ELAPOR2: variants seen among roughly 807,000 people sequenced by gnomAD.
The protein encoded by ELAPOR2 is endosome-lysosome associated apoptosis and autophagy regulator family member 2.
In ELAPOR2, 89 loss-of-function variants were observed where a neutral mutation model predicts 120.7. The observed-to-expected ratio is 0.74, with a 90% CI of 0.62 to 0.88. The LOEUF is 0.88. Ranked by LOEUF, ELAPOR2 falls within the 40% of genes least tolerant of loss-of-function variation. The probability of loss-of-function intolerance (pLI) is 0.00; values close to 1 mark genes in which losing one functional copy is unlikely to be tolerated. For synonymous variants in ELAPOR2, 444 were observed against 444.9 expected (o/e 1.00, Z 0.03); for missense variants, 1,134 against 1,251.6 (o/e 0.91, Z 1.42).
chr7:87,001,703 C>A (rs186960503), intron 1 of ELAPOR2, among the ~76,000 whole-genome samples: 1 of 152,134 alleles, frequency 6.6e-6, no homozygotes, highest in African/African-American at 2.4e-5. Context: ...CTCTTCCCCT[C>A]CACTATGAGG....
At chr7:87,017,663 G>A (rs1418687797) in intron 1 of ELAPOR2, among the ~76,000 whole-genome samples, 1 of 152,122 alleles carries the variant, frequency 6.6e-6, no homozygotes, top group Non-Finnish European at 1.5e-5. Context: ...GCTCGTGCCT[G>A]TAATCCCAAC....
rs886994346 is a variant in ELAPOR2, at chr7:86,996,624, C to T, written c.190-31600G>A. Among the ~76,000 whole-genome samples the T allele has an allele frequency of 1.2e-4, 18 of 152,222 alleles. No individual in the cohort carries two copies. In the South Asian group the frequency reaches 3.5e-3, roughly 30 times the overall value. ...AGCAGGGAGATAATTTGAAATAACT[C>T]TCATTTCTTAAAAGACCACACTGGC... On this transcript the variant is annotated intron_variant, in intron 1 of 21. Transcript: ENST00000450689.
chr7:87,008,396 T>C (rs944827550), intron 1 of ELAPOR2, among the ~76,000 whole-genome samples: 4 of 152,108 alleles, frequency 2.6e-5, no homozygotes, highest in Non-Finnish European at 5.9e-5. Flanking sequence ...GCATCCTGGA[T>C]TGGGGAGAAA....
Position 86,998,851 on chromosome 7 carries a change from G to GGT in ELAPOR2, c.190-33828_190-33827insAC, listed in dbSNP as rs533633601. Among the ~76,000 whole-genome samples, 260 of 146,494 alleles carry GGT rather than the reference G, an allele frequency of 1.8e-3. 3 individuals carry two copies. The highest frequency in any genetic ancestry group is 6.2e-3 in the African/African-American group (250 of 40,388). On this transcript the variant is annotated intron_variant, in intron 1 of 21. Transcript: ENST00000450689. ...TTTAGAATTCCATAAATAGTTCCTT[G>GGT]TTTTTTTTTTTCAAAGAACCTGAGA... is the stretch of plus-strand genomic sequence containing the variant.
intron 2 of ELAPOR2, among the ~76,000 whole-genome samples, chr7:86,952,598 G>A (rs1417359507): frequency 6.6e-6 from 1 of 152,068 alleles, no homozygotes; most frequent in African/African-American, 2.4e-5. Flanking sequence ...ATTTCTTGTG[G>A]ATTTTTAATG....
Position 87,052,811 on chromosome 7 carries a change from G to GTTTTGT in ELAPOR2, c.189+6513_189+6514insACAAAA, listed in dbSNP as rs869225532. Among the ~76,000 whole-genome samples the GTTTTGT allele has an allele frequency of 6.6e-5, 10 of 151,612 alleles. 1 individual carries two copies. In the South Asian group the frequency reaches 8.3e-4, roughly 13 times the overall value. ...GTTTTGTTTTGTTTTGTTTTGTTTT[G>GTTTTGT]TTTGAGACAGGGTCTTGCTCTGTCA... On this transcript the variant is annotated intron_variant, in intron 1 of 21. Transcript: ENST00000450689.
chr7:86,896,926 A>G (rs1432280233), intron 19 of ELAPOR2, among the ~76,000 whole-genome samples: 1 of 152,130 alleles, frequency 6.6e-6, no homozygotes, highest in Non-Finnish European at 1.5e-5. Flanking sequence ...TATGTACAAA[A>G]AGATTGTATT....
chr7:86,913,352 T>C (rs1440778937), intron 13 of ELAPOR2, 148 bp from the exon 14 acceptor site: 5 of 750,496 alleles, frequency 6.7e-6, no homozygotes, highest in Non-Finnish European at 1.0e-5. Context: ...ATCACTGCTA[T>C]TTGGTTCTTC....
chr7:86,896,825 T>C (rs886775551), intron 19 of ELAPOR2, among the ~76,000 whole-genome samples: 1 of 152,158 alleles, frequency 6.6e-6, no homozygotes, highest in Non-Finnish European at 1.5e-5. Context: ...GTATCAAGCC[T>C]TAAAAATATC....
In ELAPOR2 at chr7:86,878,848, C is replaced by T. The variant is rs924202643; in HGVS notation, c.*1623G>A. 3 of 152,160 alleles carry T rather than the reference C, an allele frequency of 2.0e-5. No homozygotes were observed. The highest frequency in any genetic ancestry group is 7.2e-5 in the African/African-American group (3 of 41,446). The allele number at this position is 152,160 out of a possible 1,614,324, so 9.4% of individuals were successfully genotyped here. A position where few individuals can be genotyped will look rare whatever the true frequency, so the allele number is the denominator to read the frequency against. ...TGAATCCCAGAGCAAACAATGACAA[C>T]CTCACCTATACTCATATGTGCAACA... On this transcript the variant is annotated 3_prime_UTR_variant, in exon 22 of 22. Coordinates refer to ENST00000450689, the MANE Select transcript of ELAPOR2 (RefSeq NM_001142749.3).
intron 18 of ELAPOR2, among the ~76,000 whole-genome samples, chr7:86,900,201 T>TA (rs1788653708): frequency 6.6e-6 from 1 of 151,766 alleles, no homozygotes; most frequent in African/African-American, 2.4e-5. Flanking sequence ...GAAAGTCTGT[T>TA]AAAATCTGAG....
In ELAPOR2 at chr7:87,055,630, A is replaced by G. The variant is rs1056529474; in HGVS notation, c.189+3695T>C. Among the ~76,000 whole-genome samples, 3 of 152,026 alleles carry G rather than the reference A, an allele frequency of 2.0e-5. No homozygotes were observed. In the South Asian group the frequency reaches 6.2e-4, roughly 32 times the overall value. On this transcript the variant is annotated intron_variant, in intron 1 of 21. Coordinates refer to ENST00000450689, the MANE Select transcript of ELAPOR2 (RefSeq NM_001142749.3). Reference sequence around the variant, plus strand: ...CTGCTTGGCAAATTCCTACTTATCAATTAAGTCTCATTCACTTCCTCCATA... The same window carrying G: ...CTGCTTGGCAAATTCCTACTTATCAGTTAAGTCTCATTCACTTCCTCCATA...
In ELAPOR2 at chr7:86,965,024, T is replaced by C; in HGVS notation, c.190A>G (p.Lys64Glu). 6.4e-7 allele frequency: 1 copy of C among 1,551,488 alleles called. No homozygotes were observed. The highest frequency in any genetic ancestry group is 8.7e-7 in the Non-Finnish European group (1 of 1,146,810). ...TCCGTATATTCAAAGTGATAATCTT[T>C]CTGCAAACAATCACAAAAACAAGCC... ...SSRPLPPCQE[K>E]DYHFEYTECD... The change falls in exon 2 of 22, where the codon AAA (lysine) becomes GAA (glutamate). Residue 64 changes from lysine (K) to glutamate (E), a missense_variant and splice_region_variant. Lys to Glu is a moderately conservative substitution (Grantham distance 56). This residue lies in a region of ELAPOR2 where 280 missense variants were observed against 331.5 expected (regional missense o/e 0.84). Coordinates refer to ENST00000450689, the MANE Select transcript of ELAPOR2 (RefSeq NM_001142749.3).
At chr7:86,933,278 T>A (rs945277082) in intron 8 of ELAPOR2, among the ~76,000 whole-genome samples, 1 of 151,964 alleles carries the variant, frequency 6.6e-6, no homozygotes, top group African/African-American at 2.4e-5. Flanking sequence ...AATCATGAGA[T>A]GCTCTGTCAA....
At chr7:86,934,174 T>C (rs1192700164) in intron 8 of ELAPOR2, among the ~76,000 whole-genome samples, 1 of 151,996 alleles carries the variant, frequency 6.6e-6, no homozygotes, top group African/African-American at 2.4e-5. Context: ...CTCATTTATT[T>C]ACCACCGGGA....
At chr7:87,056,905 G>A (rs2189520) in intron 1 of ELAPOR2, among the ~76,000 whole-genome samples, 2,283 of 152,230 alleles carry the variant, frequency 0.015, 59 homozygotes, top group African/African-American at 0.051. Flanking sequence ...CTACTGGGGG[G>A]AAATGAGGTT....
chr7:86,938,096 G>C, intron 8 of ELAPOR2, 30 bp downstream of exon 8: 2 of 1,491,584 alleles, frequency 1.3e-6, no homozygotes, highest in South Asian at 1.2e-5. Flanking sequence ...GCAAAAATAT[G>C]GGATGGAGTT....
chr7:87,058,933 CTG>C lies in ELAPOR2; in HGVS notation c.189+390_189+391del, dbSNP rs532314620. Among the ~76,000 whole-genome samples, 6 of 152,106 alleles carry C rather than the reference CTG, an allele frequency of 3.9e-5. No homozygotes were observed. The South Asian group carries it at 1.3e-3, about 32-fold the overall frequency. On this transcript the variant is annotated intron_variant, in intron 1 of 21. Transcript: ENST00000450689. ...GGAGGAGCGGGAAATCCTCTGGTGT[CTG>C]TGTCTGGCTCTCTGGAAAAGCTGTG...
chr7:87,014,027 CTTTT>C (rs35583728), intron 1 of ELAPOR2, among the ~76,000 whole-genome samples: 2 of 122,428 alleles, frequency 1.6e-5, no homozygotes, highest in Non-Finnish European at 3.4e-5. Context: ...ATGTTTTTCA[CTTTT>C]TTTTTTTTTT....
Sources: allele counts gnomAD v4.1 joint callset (sites outside exome capture counted in the v4.1 genomes callset), GRCh38; gene constraint gnomAD v4.1.1; regional missense constraint gnomAD v4.1.1; transcripts MANE v1.5; gene names NCBI Gene and HGNC (gene_info 2026-07-23, HGNC 2026-07-21).